The following PATJ variants were observed in gnomAD, a reference collection of about 807,000 sequenced individuals.
PATJ encodes PATJ crumbs cell polarity complex component.
Under a neutral mutation model 224.9 loss-of-function variants are expected in PATJ, and 190 were observed. That is an observed-to-expected ratio of 0.84 (90% CI 0.75 to 0.95). The LOEUF (loss-of-function observed/expected upper bound fraction) is 0.95, where lower values mean the gene tolerates loss of function less well. Among genes scored for constraint, PATJ ranks in the 40% least tolerant of loss-of-function variants. PATJ has a pLI of 0.00. For missense variants in PATJ, 2,121 were observed against 2,270.3 expected (o/e 0.93, Z 1.34); for synonymous variants, 769 against 820.3 (o/e 0.94, Z 1.07).
chr1:62,013,346 C>T (rs1423130259), intron 28 of PATJ: 4 of 985,162 alleles, frequency 4.1e-6, no homozygotes, highest in Non-Finnish European at 4.8e-6. Context: ...ACCTTAGTCA[C>T]TTCGAAGGCT....
intron 32 of PATJ, among the ~76,000 whole-genome samples, chr1:62,084,205 G>A (rs1254408314): frequency 6.6e-6 from 1 of 152,160 alleles, no homozygotes; most frequent in Admixed American, 6.5e-5. Context: ...AGTGAGCTGA[G>A]ATCGTACCAT....
At chr1:61,866,853 C>T (rs974869824) in intron 20 of PATJ, among the ~76,000 whole-genome samples, 1 of 152,034 alleles carries the variant, frequency 6.6e-6, no homozygotes, top group Non-Finnish European at 1.5e-5. Flanking sequence ...TACTGGTTGC[C>T]CATTTTTATA....
chr1:61,912,119 C>G (rs1363836462), intron 25 of PATJ, among the ~76,000 whole-genome samples: 2 of 151,878 alleles, frequency 1.3e-5, no homozygotes, highest in East Asian at 1.9e-4. Flanking sequence ...TACCATTGTT[C>G]TATAAGGGTA....
rs562700529 is a variant in PATJ, at chr1:61,944,785, G to A, written c.3670+16956G>A. ...AAGACACAAAATTGTCAGATTCACC[G>A]AAGTTGAAATGAAGGAAAAAATGTT... On this transcript the variant is annotated intron_variant, in intron 27 of 43. Coordinates refer to ENST00000642238, the MANE Select transcript of PATJ (RefSeq NM_001350145.3). Among the ~76,000 whole-genome samples the A allele has an allele frequency of 1.1e-3, 162 of 152,158 alleles. 1 individual carries two copies. Among genetic ancestry groups the A allele is most frequent in the Admixed American group, 5.2e-4 (8 of 15,278 alleles).
intron 26 of PATJ, among the ~76,000 whole-genome samples, chr1:61,922,158 T>G (rs1674426899): frequency 1.3e-5 from 2 of 152,122 alleles, no homozygotes; most frequent in South Asian, 4.2e-4. Flanking sequence ...ATCTCCTGCC[T>G]CAGACTCCTA....
At chr1:61,985,714 A>G (rs1009253253) in intron 27 of PATJ, among the ~76,000 whole-genome samples, 3 of 152,018 alleles carry the variant, frequency 2.0e-5, no homozygotes, top group African/African-American at 7.3e-5. Flanking sequence ...GCCTCAAAGA[A>G]GAGACTCAGG....
At chr1:61,751,176 A>G (rs2148185085) in intron 1 of PATJ, among the ~76,000 whole-genome samples, 2 of 151,456 alleles carry the variant, frequency 1.3e-5, no homozygotes, top group Admixed American at 1.3e-4. Flanking sequence ...TAATTTTTGT[A>G]TTTTTAGTGG....
chr1:61,913,699 C>T (rs1673023838), intron 25 of PATJ, among the ~76,000 whole-genome samples: 1 of 152,152 alleles, frequency 6.6e-6, no homozygotes, highest in Non-Finnish European at 1.5e-5. Flanking sequence ...GAGTTCTACT[C>T]TCATTAAGCT....
At chr1:61,956,495 C>T (rs1225924912) in intron 27 of PATJ, among the ~76,000 whole-genome samples, 1 of 151,932 alleles carries the variant, frequency 6.6e-6, no homozygotes, top group Non-Finnish European at 1.5e-5. Flanking sequence ...GAAGGCAGCA[C>T]CTTAGAGTTC....
chr1:61,878,595 G>A (rs1355106138), intron 21 of PATJ, among the ~76,000 whole-genome samples: 1 of 151,794 alleles, frequency 6.6e-6, no homozygotes, highest in Non-Finnish European at 1.5e-5. Flanking sequence ...TGCAATTCTA[G>A]CACTTTGGGA....
chr1:62,162,953 G>GA lies in PATJ; in HGVS notation c.*1907dup, dbSNP rs1443834321. The GA allele has an allele frequency of 1.8e-4, 74 of 402,228 alleles. No individual in the cohort carries two copies. The highest frequency in any genetic ancestry group is 5.9e-4 in the East Asian group (6 of 10,234). The allele number at this position is 402,228 out of a possible 1,614,324, so 24.9% of individuals were successfully genotyped here. A position where few individuals can be genotyped will look rare whatever the true frequency, so the allele number is the denominator to read the frequency against. On this transcript the variant is annotated 3_prime_UTR_variant, in exon 44 of 44. Transcript: ENST00000642238. ...CAGAGCAAGACTCTGTCTCGAAAAA[G>GA]AAAAAAAACCATGAAGGATGAGTAC... is the stretch of plus-strand genomic sequence containing the variant.
intron 6 of PATJ, among the ~76,000 whole-genome samples, chr1:61,773,448 ATTTGAGGCCAGGAG>A (rs1292253408): frequency 6.6e-6 from 1 of 152,052 alleles, no homozygotes; most frequent in Admixed American, 6.6e-5. Flanking sequence ...CAGGAGGGTC[ATTTGAGGCCAGGAG>A]TTTGAGACCA....
At chr1:61,802,379 C>T (rs1652719672) in intron 12 of PATJ, among the ~76,000 whole-genome samples, 1 of 152,222 alleles carries the variant, frequency 6.6e-6, no homozygotes, top group South Asian at 2.1e-4. Context: ...AGGCGTGAGC[C>T]ACCGTGCCCA....
rs199756213 is a variant in PATJ at position 62,118,192 on chromosome 1, C to CT, written c.4890+987dup. 3.3e-3 allele frequency among the ~76,000 whole-genome samples: 488 copies of CT among 145,918 alleles called. 7 individuals carry two copies. The highest frequency in any genetic ancestry group is 8.6e-3 in the African/African-American group (342 of 39,874). Reference sequence around the variant, plus strand: ...TAAACACCATATTAAGTTTGAAACACTTTTTTTTTTTTTCATTTCTGGCTT... The same window carrying CT: ...TAAACACCATATTAAGTTTGAAACACTTTTTTTTTTTTTTCATTTCTGGCTT... On this transcript the variant is annotated intron_variant, in intron 37 of 43. Coordinates refer to ENST00000642238, the MANE Select transcript of PATJ (RefSeq NM_001350145.3).
intron 27 of PATJ, among the ~76,000 whole-genome samples, chr1:61,947,098 C>A (rs560195863): frequency 6.6e-6 from 1 of 152,254 alleles, no homozygotes; most frequent in Admixed American, 6.5e-5. Flanking sequence ...ATGACAAACC[C>A]ACAGCCAACA....
intron 15 of PATJ, 36 bp from the exon 16 acceptor site, chr1:61,827,381 TGGGGC>T (rs1224133930): frequency 1.3e-6 from 2 of 1,482,826 alleles, no homozygotes; most frequent in African/African-American, 1.4e-5. Context: ...TTTTTTCATT[TGGGGC>T]TGGCTCAGTT....
At chr1:61,996,210 A>G (rs1645345705) in intron 28 of PATJ, among the ~76,000 whole-genome samples, 1 of 152,234 alleles carries the variant, frequency 6.6e-6, no homozygotes, top group South Asian at 2.1e-4. Flanking sequence ...ATAGAGCTAC[A>G]GGTAATCTCA....
At chr1:62,106,158 G>GTGTGTGTGTATA (rs1356937495) in intron 33 of PATJ, among the ~76,000 whole-genome samples, 2 of 48,064 alleles carry the variant, frequency 4.2e-5, no homozygotes, top group Non-Finnish European at 8.8e-5. Context: ...GTGTGTGTGT[G>GTGTGTGTGTATA]TATATATATA....
chr1:61,861,797 T>C, intron 19 of PATJ, 130 bp downstream of exon 19: 1 of 516,264 alleles, frequency 1.9e-6, no homozygotes. Context: ...AATAAAGACA[T>C]AAAGAAGACA....
Sources: allele counts gnomAD v4.1 joint callset (sites outside exome capture counted in the v4.1 genomes callset), GRCh38; gene constraint gnomAD v4.1.1; transcripts MANE v1.5; gene names NCBI Gene and HGNC (gene_info 2026-07-23, HGNC 2026-07-21).